FKBP5: variants seen among roughly 807,000 people sequenced by gnomAD.
FKBP5 encodes FKBP prolyl isomerase 5.
Under a neutral mutation model 50.5 loss-of-function variants are expected in FKBP5, and 23 were observed. The ratio of observed to expected loss-of-function variants is 0.46; its 90% CI spans 0.33 to 0.65. FKBP5 has a LOEUF of 0.65. Among genes scored for constraint, FKBP5 ranks in the 30% least tolerant of loss-of-function variants. The pLI is 0.02. For missense variants in FKBP5, 411 were observed against 553.1 expected, an observed-to-expected ratio of 0.74 and a Z score of 2.58; for synonymous variants, 176 against 190.6, an observed-to-expected ratio of 0.92 and a Z score of 0.63.
chr6:35,662,851 G>A lies in FKBP5; in HGVS notation c.-19-20008C>T, dbSNP rs113389936. Among the ~76,000 whole-genome samples, 895 of 152,248 alleles carry A rather than the reference G, an allele frequency of 5.9e-3. 11 individuals carry two copies. Among genetic ancestry groups the A allele is most frequent in the African/African-American group, 0.02 (822 of 41,538 alleles). ...CCTACTGAATATGAAATGTCTGTAA[G>A]ACCCTGTTCTAGGAGCTACAAAGAA... On this transcript the variant is annotated intron_variant, in intron 1 of 10. Coordinates refer to ENST00000357266, the MANE Select transcript of FKBP5 (RefSeq NM_004117.4).
In FKBP5 at chr6:35,680,020, T is replaced by C. The variant is rs376337610; in HGVS notation, c.-20+8784A>G. On this transcript the variant is annotated intron_variant, in intron 1 of 10. Coordinates refer to ENST00000357266, the MANE Select transcript of FKBP5 (RefSeq NM_004117.4). ...AATAAATGTTTATGTTGAATATCAA[T>C]GATTAATTTGTTGAAGCATCTGGTT... Among the ~76,000 whole-genome samples, 40 of 152,258 alleles carry C rather than the reference T, an allele frequency of 2.6e-4. No individual in the cohort carries two copies. The South Asian group carries it at 7.5e-3, about 28-fold the overall frequency.
chr6:35,643,196 G>A lies in FKBP5; in HGVS notation c.-19-353C>T, dbSNP rs79732569. Among the ~76,000 whole-genome samples the A allele has an allele frequency of 7.3e-3, 1,118 of 152,216 alleles. 12 individuals are homozygous for A. The highest frequency in any genetic ancestry group is 0.023 in the African/African-American group (967 of 41,540). On this transcript the variant is annotated intron_variant, in intron 1 of 10. Coordinates refer to ENST00000357266, the MANE Select transcript of FKBP5 (RefSeq NM_004117.4). ...AGCCATATTCTTGACAGAGGATTAA[G>A]ACCTTATCAGTTCTTAATAAAAGAA...
chr6:35,608,400 G>C (rs1298800462), intron 5 of FKBP5, among the ~76,000 whole-genome samples: 1 of 152,078 alleles, frequency 6.6e-6, no homozygotes, highest in Non-Finnish European at 1.5e-5. Flanking sequence ...CCTGGAACAA[G>C]AAATTAAGGC....
upstream of FKBP5, among the ~76,000 whole-genome samples, chr6:35,693,478 T>TAATA (rs1766034871): frequency 6.6e-6 from 1 of 150,378 alleles, no homozygotes; most frequent in Admixed American, 6.7e-5. Context: ...TTCTACTCTT[T>TAATA]AAGTCTAGAA....
chr6:35,697,671 A>T (rs1374086559), intron 2 of FKBP5, among the ~76,000 whole-genome samples: 1 of 152,218 alleles, frequency 6.6e-6, no homozygotes, highest in African/African-American at 2.4e-5. Flanking sequence ...ATTCATATGG[A>T]ATGTCCAGAA....
At chr6:35,585,569 G>A in intron 8 of FKBP5, 22 of 985,106 alleles carry the variant, frequency 2.2e-5, no homozygotes, top group Non-Finnish European at 2.4e-5. Flanking sequence ...CCAATTCTGA[G>A]CTTATTCTAT....
At chr6:35,598,170 C>G (rs1283321175) in intron 5 of FKBP5, among the ~76,000 whole-genome samples, 2 of 152,132 alleles carry the variant, frequency 1.3e-5, no homozygotes, top group African/African-American at 4.8e-5. Flanking sequence ...GGCTTTTTCT[C>G]ATATTTTAAG....
At chr6:35,596,751 T>TA (rs766220300) in intron 6 of FKBP5, among the ~76,000 whole-genome samples, 9 of 152,250 alleles carry the variant, frequency 5.9e-5, no homozygotes, top group South Asian at 2.1e-4. Context: ...GGGAAAAACT[T>TA]AGACAAAAAA....
chr6:35,723,527 G>T (rs1330976868), intron 1 of FKBP5, among the ~76,000 whole-genome samples: 1 of 152,176 alleles, frequency 6.6e-6, no homozygotes, highest in Non-Finnish European at 1.5e-5. Flanking sequence ...ATTCCCAGAA[G>T]ACTGGAAATA....
rs930620574 is a variant in FKBP5 at position 35,574,435 on chromosome 6, T to C, written c.*1400A>G. The C allele has an allele frequency of 1.3e-5, 2 of 152,236 alleles. No individual in the cohort carries two copies. Among genetic ancestry groups the C allele is most frequent in the African/African-American group, 4.8e-5 (2 of 41,466 alleles). The allele number at this position is 152,236 out of a possible 1,614,324, so 9.4% of individuals were successfully genotyped here. On this transcript the variant is annotated 3_prime_UTR_variant, in exon 11 of 11. Transcript: ENST00000357266. ...ATGAGTGTTTCTTAGGCTGAGGGAATAGAGAGCCATGCTCAATCTGTTTAC... is the reference window on the plus strand; with the variant it reads ...ATGAGTGTTTCTTAGGCTGAGGGAACAGAGAGCCATGCTCAATCTGTTTAC...
At chr6:35,728,126 C>CCGAG (rs1310095003) in intron 1 of FKBP5, among the ~76,000 whole-genome samples, 1 of 152,116 alleles carries the variant, frequency 6.6e-6, no homozygotes, top group African/African-American at 2.4e-5. Context: ...ACACAATGTC[C>CCGAG]CGAGCGGGCG....
chr6:35,707,436 G>C (rs1433921912), intron 2 of FKBP5, among the ~76,000 whole-genome samples: 2 of 151,666 alleles, frequency 1.3e-5, no homozygotes, highest in Non-Finnish European at 2.9e-5. Flanking sequence ...GATGGGGCTG[G>C]TCTCGAACTC....
intron 5 of FKBP5, among the ~76,000 whole-genome samples, chr6:35,601,437 C>G (rs1456721219): frequency 1.3e-5 from 2 of 152,200 alleles, no homozygotes; most frequent in Admixed American, 6.5e-5. Context: ...AGACTGCTGA[C>G]AAGAACTCAC....
chr6:35,622,128 A>G (rs1026092736), intron 3 of FKBP5, among the ~76,000 whole-genome samples: 32 of 152,220 alleles, frequency 2.1e-4, no homozygotes, highest in African/African-American at 7.0e-4. Context: ...AGGGATAGAT[A>G]AACCATTTTT....
intron 8 of FKBP5, 145 bp from the exon 9 acceptor site, chr6:35,580,366 C>A (rs1033474835): frequency 7.2e-6 from 5 of 694,800 alleles, no homozygotes; most frequent in South Asian, 1.8e-5. Flanking sequence ...CTCCAGGTAC[C>A]TTTCCCACTC....
chr6:35,679,917 A>G lies in FKBP5; in HGVS notation c.-20+8887T>C, dbSNP rs540836651. Among the ~76,000 whole-genome samples the G allele has an allele frequency of 4.7e-4, 72 of 152,240 alleles. 1 individual carries two copies. The highest frequency in any genetic ancestry group is 1.7e-3 in the African/African-American group (69 of 41,562). Reference sequence around the variant, plus strand: ...CTTGTACTCCAAAGCTATTGAAATAAAAATATATTAAATTTAAAAACTTAT... The same window carrying G: ...CTTGTACTCCAAAGCTATTGAAATAGAAATATATTAAATTTAAAAACTTAT... On this transcript the variant is annotated intron_variant, in intron 1 of 10. Transcript: ENST00000357266.
chr6:35,610,382 C>G (rs188201665), intron 5 of FKBP5, among the ~76,000 whole-genome samples: 2 of 151,650 alleles, frequency 1.3e-5, no homozygotes, highest in African/African-American at 4.8e-5. Context: ...CTGGCTAACA[C>G]GGTGAAACCC....
At chr6:35,611,917 CTT>C (rs1207146497) in intron 5 of FKBP5, among the ~76,000 whole-genome samples, 1 of 151,944 alleles carries the variant, frequency 6.6e-6, no homozygotes, top group African/African-American at 2.4e-5. Context: ...CAGTAAAAAC[CTT>C]TTTGAGTCCA....
chr6:35,575,979 T>C (rs760634338), intron 10 of FKBP5, 37 bp from the exon 11 acceptor site: 13 of 1,419,088 alleles, frequency 9.2e-6, no homozygotes, highest in South Asian at 6.9e-5. Context: ...GGTTAGAGAA[T>C]AAAGAAGTGA....
Sources: allele counts gnomAD v4.1 joint callset (sites outside exome capture counted in the v4.1 genomes callset), GRCh38; gene constraint gnomAD v4.1.1; transcripts MANE v1.5; gene names NCBI Gene and HGNC (gene_info 2026-07-23, HGNC 2026-07-21).